Variants in PDE10A observed in about 807,000 individuals in gnomAD.
PDE10A encodes cAMP and cAMP-inhibited cGMP 3',5'-cyclic phosphodiesterase 10A.
Under a neutral mutation model 97.7 loss-of-function variants are expected in PDE10A, and 39 were observed. The observed-to-expected ratio is 0.40, with a 90% CI of 0.31 to 0.52. The LOEUF (loss-of-function observed/expected upper bound fraction) is 0.52. Ranked by LOEUF, PDE10A falls within the 20% of genes least tolerant of loss-of-function variation. PDE10A has a pLI of 0.56. For missense variants in PDE10A, 731 were observed against 1,047.8 expected, an observed-to-expected ratio of 0.70 and a Z score of 4.17; for synonymous variants, 371 against 376.8, an observed-to-expected ratio of 0.98 and a Z score of 0.18.
At chr6:165,760,702 C>T (rs1248043791) in intron 1 of PDE10A, among the ~76,000 whole-genome samples, 1 of 152,196 alleles carries the variant, frequency 6.6e-6, no homozygotes, top group Non-Finnish European at 1.5e-5. Context: ...TGGTGTCCTA[C>T]TGAGGTCATC....
chr6:165,768,150 G>A (rs575282837), intron 1 of PDE10A, among the ~76,000 whole-genome samples: 45 of 152,108 alleles, frequency 3.0e-4, no homozygotes, highest in African/African-American at 9.9e-4. Context: ...CCTTTTTATC[G>A]TTGAGTTGTA....
At chr6:165,580,386 C>G (rs975747451) in intron 1 of PDE10A, among the ~76,000 whole-genome samples, 5 of 152,244 alleles carry the variant, frequency 3.3e-5, no homozygotes, top group Admixed American at 3.3e-4. Flanking sequence ...GGACTACAAA[C>G]AGTTTGATGT....
intron 1 of PDE10A, among the ~76,000 whole-genome samples, chr6:165,593,714 A>T (rs534734734): frequency 3.3e-5 from 5 of 152,192 alleles, no homozygotes; most frequent in Admixed American, 3.3e-4. Flanking sequence ...ACTTGCTGAG[A>T]TATTTTTAAA....
intron 1 of PDE10A, among the ~76,000 whole-genome samples, chr6:165,646,208 C>T (rs1318972220): frequency 2.6e-5 from 4 of 152,198 alleles, no homozygotes; most frequent in Non-Finnish European, 1.5e-5. Context: ...AAGTCACAGC[C>T]TCTTTTAAAA....
At chr6:165,882,988 C>A (rs35977688) in intron 1 of PDE10A, among the ~76,000 whole-genome samples, 5,112 of 152,346 alleles carry the variant, frequency 0.034, 105 homozygotes, top group Non-Finnish European at 0.048. Flanking sequence ...GTAATCCCAG[C>A]ACTTTGGGAG....
intron 1 of PDE10A, among the ~76,000 whole-genome samples, chr6:165,904,644 G>T (rs1327620625): frequency 6.6e-6 from 1 of 152,104 alleles, no homozygotes; most frequent in African/African-American, 2.4e-5. Flanking sequence ...CTATACTTCA[G>T]ATTATTAAAC....
chr6:165,704,759 A>T (rs1028458138), intron 1 of PDE10A, among the ~76,000 whole-genome samples: 1 of 152,232 alleles, frequency 6.6e-6, no homozygotes, highest in Non-Finnish European at 1.5e-5. Context: ...ACAAAAAGAG[A>T]TGCAAAAACA....
At chr6:165,907,501 A>T (rs916544797) in intron 1 of PDE10A, among the ~76,000 whole-genome samples, 1 of 152,102 alleles carries the variant, frequency 6.6e-6, no homozygotes, top group Non-Finnish European at 1.5e-5. Context: ...CTCTCTGCAG[A>T]CTCTGCAAAG....
At chr6:165,619,375 T>C (rs1201368689) in intron 1 of PDE10A, among the ~76,000 whole-genome samples, 7 of 145,016 alleles carry the variant, frequency 4.8e-5, no homozygotes, top group East Asian at 2.0e-4. Context: ...TAGTGTGGTG[T>C]AGTGTAGTCT....
intron 3 of PDE10A, among the ~76,000 whole-genome samples, chr6:165,462,262 G>C (rs2128260241): frequency 6.6e-6 from 1 of 152,332 alleles, no homozygotes; most frequent in Non-Finnish European, 1.5e-5. Context: ...GGGGGAAATA[G>C]AGAATATGGA....
chr6:165,821,969 C>T (rs941473854), intron 1 of PDE10A, among the ~76,000 whole-genome samples: 3 of 152,002 alleles, frequency 2.0e-5, no homozygotes, highest in African/African-American at 7.3e-5. Context: ...AAGGATGAGT[C>T]GTGGCATCGT....
chr6:165,661,949 G>T lies in PDE10A; in HGVS notation c.863C>A (p.Pro288His), dbSNP rs1325315642. Residue 288 changes from proline to histidine, a missense_variant and splice_region_variant, in exon 1 of 22, where the codon CCC (proline) becomes CAC (histidine). Pro to His is a moderately conservative substitution (Grantham distance 77). Coordinates refer to ENST00000539869, the MANE Select transcript of PDE10A (RefSeq NM_001385079.1). This position sits in a 1 kb window ranked among gnomAD's most constrained non-coding sequence, Gnocchi z 4.8. ...FRRLTECFLS[P>H]SLTDEKVKAY... Reference sequence around the variant, plus strand: ...GGAACGGGGAGCAGGCCACTTACTGGGGCTCAGGAAGCACTCGGTCAGCCT... The same window carrying T: ...GGAACGGGGAGCAGGCCACTTACTGTGGCTCAGGAAGCACTCGGTCAGCCT... The T allele has an allele frequency of 2.9e-6, 3 of 1,026,444 alleles. No homozygotes were observed. In the South Asian group the frequency reaches 4.2e-5, roughly 14 times the overall value. The allele number at this position is 1,026,444 out of a possible 1,614,324, so 63.6% of individuals were successfully genotyped here. A position where few individuals can be genotyped will look rare whatever the true frequency, so the allele number is the denominator to read the frequency against.
chr6:165,638,828 A>G (rs1408972260), intron 1 of PDE10A, among the ~76,000 whole-genome samples: 1 of 152,184 alleles, frequency 6.6e-6, no homozygotes, highest in Admixed American at 6.5e-5. Flanking sequence ...TACTATACTA[A>G]GGGAAAACTA....
intron 3 of PDE10A, among the ~76,000 whole-genome samples, chr6:165,463,783 T>G (rs1778469996): frequency 6.6e-6 from 1 of 152,236 alleles, no homozygotes; most frequent in Admixed American, 6.5e-5. Context: ...ACTGGGAGGT[T>G]GTGGGTTTAC....
chr6:165,792,584 A>C (rs955250344), intron 1 of PDE10A, among the ~76,000 whole-genome samples: 9 of 152,028 alleles, frequency 5.9e-5, no homozygotes, highest in Admixed American at 2.0e-4. Context: ...TCTCCGCTGC[A>C]GGGTTCCTCT....
chr6:165,417,153 G>T (rs1298573486), intron 11 of PDE10A, among the ~76,000 whole-genome samples: 1 of 152,140 alleles, frequency 6.6e-6, no homozygotes, highest in African/African-American at 2.4e-5. Flanking sequence ...AAACTCAAAA[G>T]ATAGTTCACA....
Position 165,706,066 on chromosome 6 carries a change from T to C in PDE10A, c.-614-162498A>G, listed in dbSNP as rs1324778328. Among the ~76,000 whole-genome samples, 3 of 152,136 alleles carry C rather than the reference T, an allele frequency of 2.0e-5. No individual in the cohort carries two copies. In the East Asian group the frequency reaches 5.8e-4, roughly 29 times the overall value. On this transcript the variant is annotated intron_variant, in intron 1 of 19. Transcript: ENST00000366882. Reference sequence around the variant, plus strand: ...ATAGCTCTCACAGCACCAGTGACAGTAGCACATCCCAGGAACATGCAGAGG... The same window carrying C: ...ATAGCTCTCACAGCACCAGTGACAGCAGCACATCCCAGGAACATGCAGAGG...
At chr6:165,517,548 C>A (rs922493352) in intron 2 of PDE10A, among the ~76,000 whole-genome samples, 9 of 152,098 alleles carry the variant, frequency 5.9e-5, no homozygotes, top group African/African-American at 2.2e-4. Context: ...AATTGTGGTA[C>A]ATCCATACAA....
chr6:165,826,707 G>A (rs542941022), intron 1 of PDE10A, among the ~76,000 whole-genome samples: 45 of 151,972 alleles, frequency 3.0e-4, no homozygotes, highest in African/African-American at 1.0e-3. Flanking sequence ...GGGAGCGGGC[G>A]CGTGGTACTC....
Sources: allele counts gnomAD v4.1 joint callset (sites outside exome capture counted in the v4.1 genomes callset), GRCh38; gene constraint gnomAD v4.1.1; non-coding constraint Gnocchi (gnomAD v3.1); transcripts MANE v1.5; gene names NCBI Gene and HGNC (gene_info 2026-07-23, HGNC 2026-07-21).